FGF17: variants seen among roughly 807,000 people sequenced by gnomAD.
FGF17 encodes fibroblast growth factor 17.
A neutral mutation model predicts 23.5 loss-of-function variants in FGF17; 5 were observed. The observed-to-expected ratio is 0.21, with a 90% CI of 0.11 to 0.45. The LOEUF (loss-of-function observed/expected upper bound fraction) is 0.45, where lower values mean the gene tolerates loss of function less well. Among genes scored for constraint, FGF17 ranks in the 20% least tolerant of loss-of-function variants. The pLI, the probability that FGF17 is intolerant of heterozygous loss-of-function variation, is 0.99. For synonymous variants in FGF17, 136 were observed against 123.0 expected, an observed-to-expected ratio of 1.11 and a Z score of -0.70; for missense variants, 221 against 306.9, an observed-to-expected ratio of 0.72 and a Z score of 2.09.
chr8:22,047,820 C>A, intron 4 of FGF17, 136 bp from the exon 5 acceptor site: 1 of 785,852 alleles, frequency 1.3e-6, no homozygotes, highest in Non-Finnish European at 2.0e-6. Flanking sequence ...TGCCATCTCA[C>A]CAGGCAGAGT....
intron 4 of FGF17, 70 bp from the exon 5 acceptor site, chr8:22,047,886 G>T: frequency 6.7e-7 from 1 of 1,485,412 alleles, no homozygotes; most frequent in Non-Finnish European, 9.1e-7. Context: ...GTCCAAAATA[G>T]GCCGTAAGGG....
At position 22,048,190 on chromosome 8, in the gene FGF17, G is replaced by A; in HGVS notation, c.592G>A (p.Val198Met). The A allele has an allele frequency of 6.2e-7, 1 of 1,612,512 alleles. No homozygotes were observed. Among genetic ancestry groups the A allele is most frequent in the Non-Finnish European group, 8.5e-7 (1 of 1,179,666 alleles). Residue 198 changes from valine to methionine, a missense_variant, in exon 5 of 5, where the codon GTG (valine) becomes ATG (methionine). Around this residue, in one of 3 missense-constraint regions of FGF17, gnomAD observed 128 missense variants for 150.4 expected, o/e 0.85. Transcript: ENST00000359441. The surrounding 1 kb of genome is among the most constrained non-coding windows in gnomAD (Gnocchi z 6.9). ...CGAGAAGCAGAAGCAGTTCGAGTTT[G>A]TGGGCTCCGCCCCCACCCGCCGGAC... ...HAEKQKQFEF[V>M]GSAPTRRTKR... is the part of the protein sequence containing the mutation.
At chr8:22,043,915 C>T (rs751891401) in intron 2 of FGF17, among the ~76,000 whole-genome samples, 7 of 152,280 alleles carry the variant, frequency 4.6e-5, no homozygotes, top group East Asian at 3.9e-4. Flanking sequence ...GCCAGAGGCC[C>T]GCTTCTCTTC....
chr8:22,042,585 C>T, upstream of FGF17: 1 of 524,874 alleles, frequency 1.9e-6, no homozygotes, highest in Non-Finnish European at 3.4e-6. Flanking sequence ...GCAGGGCCAC[C>T]TCCTTCAGAA....
At chr8:22,043,453 A>G (rs1189213892) in intron 2 of FGF17, among the ~76,000 whole-genome samples, 1 of 152,112 alleles carries the variant, frequency 6.6e-6, no homozygotes, top group Non-Finnish European at 1.5e-5. Context: ...GGGTTCCCCC[A>G]GACTTGAGGG....
chr8:22,042,170 G>C (rs963981974), upstream of FGF17, among the ~76,000 whole-genome samples: 2 of 152,236 alleles, frequency 1.3e-5, no homozygotes, highest in African/African-American at 4.8e-5. Flanking sequence ...GTCTGTCTCA[G>C]GCTAGCTTTT....
chr8:22,044,604 C>A, intron 2 of FGF17: 1 of 840,706 alleles, frequency 1.2e-6, no homozygotes, highest in Non-Finnish European at 1.4e-6. Flanking sequence ...CTGGGATAGG[C>A]AGGACCCCAC....
chr8:22,040,722 C>T (rs748123862), upstream of FGF17, among the ~76,000 whole-genome samples: 5 of 152,226 alleles, frequency 3.3e-5, no homozygotes, highest in African/African-American at 7.2e-5. Context: ...AAATTGGAAC[C>T]GTTACCCACC....
chr8:22,048,155 C>G lies in FGF17; in HGVS notation c.557C>G (p.Pro186Arg). 6.2e-7 allele frequency: 1 copy of G among 1,613,382 alleles called. No homozygotes were observed. The highest frequency in any genetic ancestry group is 1.1e-5 in the South Asian group (1 of 91,074). The change falls in exon 5 of 5, where the codon CCC (proline) becomes CGC (arginine). Residue 186 changes from proline (P) to arginine (R), a missense_variant. Around this residue, in one of 3 missense-constraint regions of FGF17, gnomAD observed 128 missense variants for 150.4 expected, o/e 0.85. Coordinates refer to ENST00000359441, the MANE Select transcript of FGF17 (RefSeq NM_003867.4). The surrounding 1 kb of genome is among the most constrained non-coding windows in gnomAD (Gnocchi z 6.9). ...KRLYQGQLPF[P>R]NHAEKQKQFE... ...CTCTACCAAGGCCAGCTGCCCTTCC[C>G]CAACCACGCCGAGAAGCAGAAGCAG...
At chr8:22,043,740 C>A (rs920615436) in intron 2 of FGF17, among the ~76,000 whole-genome samples, 3 of 150,090 alleles carry the variant, frequency 2.0e-5, no homozygotes, top group African/African-American at 7.4e-5. Flanking sequence ...ACACTCCCCC[C>A]ACCCCAAGTC....
chr8:22,042,721 T>G, upstream of FGF17: 1 of 619,896 alleles, frequency 1.6e-6, no homozygotes, highest in Non-Finnish European at 2.9e-6. Context: ...GGACACCTCA[T>G]ACCTCAGTCT....
chr8:22,046,515 C>T lies in FGF17; in HGVS notation c.251-12C>T. ...CGATGGACGGAGGTCTTTCTCCCCT[C>T]CCCCACCACAGCCAAGCTCATAGTG... On this transcript the variant is annotated splice_polypyrimidine_tract_variant and intron_variant, in intron 3 of 4. Transcript: ENST00000359441. 2 of 1,605,758 alleles carry T rather than the reference C, an allele frequency of 1.2e-6. No individual in the cohort carries two copies. Among genetic ancestry groups the T allele is most frequent in the Non-Finnish European group, 1.7e-6 (2 of 1,173,638 alleles).
chr8:22,048,389 C>T lies in FGF17; in HGVS notation c.*140C>T. Reference sequence around the variant, plus strand: ...GAGGGCCGCGAAGCATCCGAGCCCCCAGCTGGGAAGGGGCAGGCCGGTGCC... The same window carrying T: ...GAGGGCCGCGAAGCATCCGAGCCCCTAGCTGGGAAGGGGCAGGCCGGTGCC... On this transcript the variant is annotated 3_prime_UTR_variant, in exon 5 of 5. Transcript: ENST00000359441. The surrounding 1 kb of genome is among the most constrained non-coding windows in gnomAD (Gnocchi z 6.9). 1.3e-6 allele frequency: 1 copy of T among 795,570 alleles called. No individual in the cohort carries two copies. The highest frequency in any genetic ancestry group is 1.9e-6 in the Non-Finnish European group (1 of 515,356). The allele number at this position is 795,570 out of a possible 1,614,324, so 49.3% of individuals were successfully genotyped here.
upstream of FGF17, among the ~76,000 whole-genome samples, chr8:22,042,237 T>C (rs1050216460): frequency 1.3e-5 from 2 of 152,214 alleles, no homozygotes; most frequent in African/African-American, 2.4e-5. Flanking sequence ...AACCCACCTC[T>C]GACCCCCAAC....
chr8:22,046,256 G>C lies in FGF17; in HGVS notation c.215G>C (p.Arg72Pro). The change falls in exon 3 of 5, where the codon CGC becomes CCC. Residue 72 changes from arginine (R) to proline (P), a missense_variant. Coordinates refer to ENST00000359441, the MANE Select transcript of FGF17 (RefSeq NM_003867.4). ...SGKHVQVTGRRISATAEDGNK... is the reference protein window; with the variant it reads ...SGKHVQVTGRPISATAEDGNK... ...AAGCACGTGCAGGTCACCGGGCGTC[G>C]CATCTCCGCCACCGCCGAGGACGGC... 1 of 1,613,758 alleles carries C rather than the reference G, an allele frequency of 6.2e-7. No individual in the cohort carries two copies. Among genetic ancestry groups the C allele is most frequent in the Non-Finnish European group, 8.5e-7 (1 of 1,179,962 alleles).
intron 2 of FGF17, among the ~76,000 whole-genome samples, chr8:22,043,919 T>C (rs1013320812): frequency 2.6e-5 from 4 of 152,074 alleles, no homozygotes; most frequent in African/African-American, 9.7e-5. Context: ...GAGGCCCGCT[T>C]CTCTTCATAT....
rs768693462 is a variant in FGF17, at chr8:22,042,938, G to T, written c.10G>T (p.Ala4Ser). The T allele has an allele frequency of 6.2e-7, 1 of 1,613,028 alleles. No homozygotes were observed. The highest frequency in any genetic ancestry group is 1.3e-5 in the African/African-American group (1 of 74,896). The change falls in exon 1 of 5, where the codon GCC becomes TCC. Residue 4 changes from alanine to serine, a missense_variant. Around this residue, in one of 3 missense-constraint regions of FGF17, gnomAD observed 35 missense variants for 35.5 expected, o/e 0.99. Coordinates refer to ENST00000359441, the MANE Select transcript of FGF17 (RefSeq NM_003867.4). MGA[A>S]RLLPNLTLCL... ...AGGAACCTCTCCAGCGATGGGAGCCGCCCGCCTGCTGCCCAACCTCACTCT... is the reference window on the plus strand; with the variant it reads ...AGGAACCTCTCCAGCGATGGGAGCCTCCCGCCTGCTGCCCAACCTCACTCT...
In FGF17 at chr8:22,048,216, C is replaced by T. The variant is rs1242760982; in HGVS notation, c.618C>T (p.Thr206=). 9 of 1,610,680 alleles carry T rather than the reference C, an allele frequency of 5.6e-6. No individual in the cohort carries two copies. Among genetic ancestry groups the T allele is most frequent in the Non-Finnish European group, 7.6e-6 (9 of 1,178,972 alleles). Residue 206 remains threonine (T), a synonymous_variant, in exon 5 of 5, where the codon ACC becomes ACT. Coordinates refer to ENST00000359441, the MANE Select transcript of FGF17 (RefSeq NM_003867.4). This position sits in a 1 kb window ranked among gnomAD's most constrained non-coding sequence, Gnocchi z 6.9. The part of the protein sequence containing the change: ...EFVGSAPTRR[T]KRTRRPQPLT ...TGGGCTCCGCCCCCACCCGCCGGAC[C>T]AAGCGCACACGGCGGCCCCAGCCCC...
chr8:22,046,453 T>G lies in FGF17; in HGVS notation c.251-74T>G, dbSNP rs574112401. 964 of 1,441,778 alleles carry G rather than the reference T, an allele frequency of 6.7e-4. 4 individuals are homozygous for G. The Middle Eastern group carries it at 0.012, about 17-fold the overall frequency. The allele number at this position is 1,441,778 out of a possible 1,614,324, so 89.3% of individuals were successfully genotyped here. A position where few individuals can be genotyped will look rare whatever the true frequency, so the allele number is the denominator to read the frequency against. On this transcript the variant is annotated intron_variant, in intron 3 of 4. Coordinates refer to ENST00000359441, the MANE Select transcript of FGF17 (RefSeq NM_003867.4). Reference sequence around the variant, plus strand: ...GCCTGAGTCTGGAGGTCAGTGTGGCTGGGTGGTCCCCTGCTGTAGCCATAG... The same window carrying G: ...GCCTGAGTCTGGAGGTCAGTGTGGCGGGGTGGTCCCCTGCTGTAGCCATAG...
Sources: allele counts gnomAD v4.1 joint callset (sites outside exome capture counted in the v4.1 genomes callset), GRCh38; gene constraint gnomAD v4.1.1; regional missense constraint gnomAD v4.1.1; non-coding constraint Gnocchi (gnomAD v3.1); transcripts MANE v1.5; gene names NCBI Gene and HGNC (gene_info 2026-07-23, HGNC 2026-07-21).